The following DNMT1 variants were observed in gnomAD, a reference collection of about 807,000 sequenced individuals.
DNMT1 encodes the protein DNA (cytosine-5)-methyltransferase 1.
Under a neutral mutation model 205.3 loss-of-function variants are expected in DNMT1, and 24 were observed. That is an observed-to-expected ratio of 0.12 (90% CI 0.08 to 0.16). DNMT1 has a LOEUF of 0.16. DNMT1 is among the 10% of genes least tolerant of loss of function. The pLI, the probability that DNMT1 is intolerant of heterozygous loss-of-function variation, is 1.00. For missense variants in DNMT1, 1,293 were observed against 2,177.7 expected (o/e 0.59, Z 8.09); for synonymous variants, 817 against 839.8 (o/e 0.97, Z 0.47).
At chr19:10,194,751 G>C (rs1175621839) in intron 1 of DNMT1, 69 bp downstream of exon 1, 161 of 1,518,626 alleles carry the variant, frequency 1.1e-4, no homozygotes, top group Non-Finnish European at 5.1e-5. Context: ...GCCACCCCGA[G>C]GGGAAGCGAC....
At position 10,156,661 on chromosome 19, in the gene DNMT1, A is replaced by G. The variant is rs2038463394; in HGVS notation, c.1281-152T>C. On this transcript the variant is annotated intron_variant, in intron 17 of 40. Coordinates refer to ENST00000359526, the MANE Select transcript of DNMT1 (RefSeq NM_001130823.3). The surrounding 1 kb of genome is among the most constrained non-coding windows in gnomAD (Gnocchi z 4.2). ...GAGACAGAGTCTTGCTCTATCCCTC[A>G]GGCTGGAGCGCGATGGCATAATCTT... 1.5e-6 allele frequency: 1 copy of G among 657,054 alleles called. No homozygotes were observed. The highest frequency in any genetic ancestry group is 2.8e-6 in the Non-Finnish European group (1 of 361,004). 40.7% of individuals were successfully genotyped at this position (657,054 alleles called of 1,614,324 possible). A position where few individuals can be genotyped will look rare whatever the true frequency, so the allele number is the denominator to read the frequency against.
Position 10,162,650 on chromosome 19 carries a change from A to G in DNMT1, c.1008+17T>C. The G allele has an allele frequency of 1.3e-6, 2 of 1,599,482 alleles. No individual in the cohort carries two copies. The highest frequency in any genetic ancestry group is 1.7e-6 in the Non-Finnish European group (2 of 1,175,182). On this transcript the variant is annotated intron_variant, in intron 13 of 40. Transcript: ENST00000359526. ...AAAAAAAAAAAAAAAAGAAAGAAAG[A>G]AAAGTGAGACCTTTACCTTTTCATC...
At chr19:10,158,702 G>A (rs1054041861) in intron 17 of DNMT1, among the ~76,000 whole-genome samples, 3 of 152,182 alleles carry the variant, frequency 2.0e-5, no homozygotes, top group African/African-American at 4.8e-5. Context: ...CCTTCCCTCA[G>A]AGGACAGGAG....
chr19:10,165,294 T>TA (rs2038665617), intron 11 of DNMT1, among the ~76,000 whole-genome samples: 1 of 152,234 alleles, frequency 6.6e-6, no homozygotes, highest in African/African-American at 2.4e-5. Context: ...CAGTGGCTCT[T>TA]AGAGCTTTGG....
chr19:10,194,317 C>T (rs1444852589), intron 1 of DNMT1, among the ~76,000 whole-genome samples: 1 of 152,242 alleles, frequency 6.6e-6, no homozygotes, highest in Non-Finnish European at 1.5e-5. Context: ...TCTCTGGAGG[C>T]CGCCATCGAG....
chr19:10,135,944 C>T lies in DNMT1; in HGVS notation c.4657-92G>A, dbSNP rs752918265. The T allele has an allele frequency of 3.1e-4, 459 of 1,487,734 alleles. 1 individual carries two copies. The highest frequency in any genetic ancestry group is 8.9e-4 in the East Asian group (36 of 40,582). 92.2% of individuals were successfully genotyped at this position (1,487,734 alleles called of 1,614,324 possible). On this transcript the variant is annotated intron_variant, in intron 38 of 40. Transcript: ENST00000359526. The stretch of plus-strand genomic sequence containing the variant: ...AGGGAAATGGCACTGTGACAGCATA[C>T]GGCCATGGCCTTGGCCTATGAGCTT...
intron 1 of DNMT1, among the ~76,000 whole-genome samples, chr19:10,191,117 G>A (rs933319082): frequency 6.7e-6 from 1 of 149,684 alleles, no homozygotes. Flanking sequence ...CAGCCTCGAG[G>A]GGGAAAAAGA....
intron 39 of DNMT1, 145 bp from the exon 40 acceptor site, chr19:10,134,452 C>A: frequency 1.4e-6 from 1 of 691,108 alleles, no homozygotes; most frequent in Non-Finnish European, 2.4e-6. Flanking sequence ...CTCACATGGG[C>A]CCAAAACCCT....
rs1277489155 is a variant in DNMT1 at position 10,137,305 on chromosome 19, T to C, written c.4294-25A>G. The C allele has an allele frequency of 6.3e-7, 1 of 1,584,050 alleles. No individual in the cohort carries two copies. Among genetic ancestry groups the C allele is most frequent in the East Asian group, 2.3e-5 (1 of 43,674 alleles). ...CCTGAAAGAGTGTGGGGGGCCCAGC[T>C]GTCACCTCATGTGAGCAGCATCCGA... On this transcript the variant is annotated intron_variant, in intron 36 of 40. Transcript: ENST00000359526. This position sits in a 1 kb window ranked among gnomAD's most constrained non-coding sequence, Gnocchi z 6.4.
chr19:10,142,018 G>A lies in DNMT1; in HGVS notation c.3309+10C>T, dbSNP rs1388008391. The A allele has an allele frequency of 1.9e-6, 3 of 1,612,004 alleles. No individual in the cohort carries two copies. The highest frequency in any genetic ancestry group is 1.7e-6 in the Non-Finnish European group (2 of 1,178,788). On this transcript the variant is annotated intron_variant, in intron 30 of 40. Transcript: ENST00000359526. Reference sequence around the variant, plus strand: ...CCCGAAGCCTTCCCTCTAGCAAGCAGGGGCACCACCTCGAGGAAGTAGAAG... The same window carrying A: ...CCCGAAGCCTTCCCTCTAGCAAGCAAGGGCACCACCTCGAGGAAGTAGAAG...
At position 10,152,758 on chromosome 19, in the gene DNMT1, T is replaced by TCAACAACAA. The variant is rs372179811; in HGVS notation, c.2020-920_2020-912dup. On this transcript the variant is annotated intron_variant, in intron 22 of 40. Coordinates refer to ENST00000359526, the MANE Select transcript of DNMT1 (RefSeq NM_001130823.3). ...ACTGGGTGACAGAACGAGACCCATC[T>TCAACAACAA]CAACAACAACAACAACAACAACAAC... is the stretch of plus-strand genomic sequence containing the variant. 2.2e-3 allele frequency among the ~76,000 whole-genome samples: 339 copies of TCAACAACAA among 150,750 alleles called. 1 individual carries two copies. The highest frequency in any genetic ancestry group is 8.1e-3 in the African/African-American group (330 of 40,960).
intron 12 of DNMT1, among the ~76,000 whole-genome samples, 173 bp downstream of exon 12, chr19:10,163,153 G>C (rs560985519): frequency 5.3e-5 from 8 of 152,072 alleles, no homozygotes; most frequent in Admixed American, 1.3e-4. Flanking sequence ...GTACAGACAG[G>C]GTTCCACCAT....
chr19:10,135,611 T>C, intron 39 of DNMT1, 125 bp downstream of exon 39: 1 of 988,392 alleles, frequency 1.0e-6, no homozygotes, highest in Middle Eastern at 3.1e-4. Flanking sequence ...CCACTGAGAG[T>C]GATGGGGCTA....
At chr19:10,162,832 T>G in intron 12 of DNMT1, 84 bp from the exon 13 acceptor site, 1 of 1,438,660 alleles carries the variant, frequency 7.0e-7, no homozygotes, top group Non-Finnish European at 9.7e-7. Context: ...GACAAACTAA[T>G]GCCTCCCCAT....
chr19:10,135,936 A>G (rs2145252818), intron 38 of DNMT1, 84 bp from the exon 39 acceptor site: 1 of 1,500,510 alleles, frequency 6.7e-7, no homozygotes, highest in Non-Finnish European at 9.0e-7. Flanking sequence ...TGGCACTGTG[A>G]CAGCATACGG....
Position 10,149,453 on chromosome 19 carries a change from C to T in DNMT1, c.2586G>A (p.Glu862=), listed in dbSNP as rs1448971431. Residue 862 remains glutamate, a splice_region_variant and synonymous_variant, in exon 26 of 41, where the codon GAG becomes GAA. Transcript: ENST00000359526. ...YKAPSENWAM[E]GGMDPESLLE... ...CTCACGAGGGACACCAGGCACTCACCTCCATGGCCCAGTTTTCGGAGGGGG... is the reference window on the plus strand; with the variant it reads ...CTCACGAGGGACACCAGGCACTCACTTCCATGGCCCAGTTTTCGGAGGGGG... 20 of 1,614,148 alleles carry T rather than the reference C, an allele frequency of 1.2e-5. No homozygotes were observed. Among genetic ancestry groups the T allele is most frequent in the Non-Finnish European group, 1.7e-5 (20 of 1,180,022 alleles).
At chr19:10,135,250 G>C (rs533609981) in intron 39 of DNMT1, among the ~76,000 whole-genome samples, 1 of 145,454 alleles carries the variant, frequency 6.9e-6, no homozygotes, top group Admixed American at 7.0e-5. Context: ...GCTGCTTCCC[G>C]AGAACCAGAT....
chr19:10,149,299 T>C (rs1187094009), intron 26 of DNMT1, among the ~76,000 whole-genome samples, 154 bp downstream of exon 26: 1 of 144,612 alleles, frequency 6.9e-6, no homozygotes, highest in Non-Finnish European at 1.5e-5. Flanking sequence ...CACTCCAGCC[T>C]GGGCAACAAG....
chr19:10,139,668 G>C lies in DNMT1; in HGVS notation c.3948+8C>G. 2 of 1,612,004 alleles carry C rather than the reference G, an allele frequency of 1.2e-6. No individual in the cohort carries two copies. The highest frequency in any genetic ancestry group is 1.7e-6 in the Non-Finnish European group (2 of 1,179,774). ...CATCTGTCTGCCCGCCCCAGCCCCA[G>C]GGCCCACCTGCAGCACGCCGAAGGT... On this transcript the variant is annotated splice_region_variant and intron_variant, in intron 34 of 40. Transcript: ENST00000359526.
Sources: allele counts gnomAD v4.1 joint callset (sites outside exome capture counted in the v4.1 genomes callset), GRCh38; gene constraint gnomAD v4.1.1; non-coding constraint Gnocchi (gnomAD v3.1); transcripts MANE v1.5; gene names NCBI Gene and HGNC (gene_info 2026-07-23, HGNC 2026-07-21).